Variants in NR3C2 observed in about 807,000 individuals in gnomAD.
NR3C2 encodes the protein mineralocorticoid receptor.
In NR3C2, 15 loss-of-function variants were observed where a neutral mutation model predicts 86.4. That is an observed-to-expected ratio of 0.17 (90% CI 0.12 to 0.27). NR3C2 has a LOEUF of 0.27. Among genes scored for constraint, NR3C2 ranks in the 10% least tolerant of loss-of-function variants. NR3C2 has a pLI of 1.00. For missense variants in NR3C2, 960 were observed against 1,195.6 expected (o/e 0.80, Z 2.91); for synonymous variants, 458 against 450.5 (o/e 1.02, Z -0.21).
At chr4:148,084,333 C>T (rs2149704537) in intron 8 of NR3C2, among the ~76,000 whole-genome samples, 1 of 152,320 alleles carries the variant, frequency 6.6e-6, no homozygotes, top group South Asian at 2.1e-4. Flanking sequence ...CTGCAGAAAC[C>T]CTACAAGCCA....
chr4:148,145,101 T>C (rs889530244), intron 6 of NR3C2, among the ~76,000 whole-genome samples: 7 of 152,084 alleles, frequency 4.6e-5, no homozygotes, highest in Non-Finnish European at 7.4e-5. Flanking sequence ...TCCTAATAGA[T>C]AGAAAAACCT....
chr4:148,419,414 C>G (rs1228727717), intron 2 of NR3C2, among the ~76,000 whole-genome samples: 1 of 152,108 alleles, frequency 6.6e-6, no homozygotes, highest in Non-Finnish European at 1.5e-5. Flanking sequence ...TCCTGGTGAG[C>G]AGGTATAAAT....
At chr4:148,328,955 T>A (rs1276630672) in intron 2 of NR3C2, among the ~76,000 whole-genome samples, 2 of 152,180 alleles carry the variant, frequency 1.3e-5, no homozygotes, top group East Asian at 3.9e-4. Context: ...TAAAACTACA[T>A]TATTTTCTCC....
intron 4 of NR3C2, among the ~76,000 whole-genome samples, chr4:148,182,846 T>G (rs889403639): frequency 2.7e-4 from 41 of 152,226 alleles, no homozygotes; most frequent in Non-Finnish European, 7.3e-5. Flanking sequence ...ATATTTTAAG[T>G]TCTAGGGTAC....
intron 2 of NR3C2, among the ~76,000 whole-genome samples, chr4:148,361,220 G>A (rs1026089023): frequency 1.3e-5 from 2 of 152,118 alleles, no homozygotes; most frequent in Admixed American, 1.3e-4. Flanking sequence ...TAAAAATAGA[G>A]AATCTCTAAA....
At chr4:148,190,941 T>G (rs1736167214) in intron 4 of NR3C2, among the ~76,000 whole-genome samples, 1 of 152,236 alleles carries the variant, frequency 6.6e-6, no homozygotes, top group Admixed American at 6.5e-5. Context: ...GTTCTGTATC[T>G]TTTAAGTGGA....
At chr4:148,427,814 G>A (rs1015181818) in intron 2 of NR3C2, among the ~76,000 whole-genome samples, 3 of 152,108 alleles carry the variant, frequency 2.0e-5, no homozygotes, top group African/African-American at 7.2e-5. Context: ...TAGGGACAAG[G>A]CAAAGGGACA....
chr4:148,334,921 C>T (rs2149973395), intron 2 of NR3C2, among the ~76,000 whole-genome samples: 1 of 152,282 alleles, frequency 6.6e-6, no homozygotes, highest in African/African-American at 2.4e-5. Context: ...CTTTAGCCTT[C>T]TGGGCTTCTG....
intron 3 of NR3C2, among the ~76,000 whole-genome samples, chr4:148,197,192 T>A (rs569731939): frequency 1.3e-5 from 2 of 152,332 alleles, no homozygotes; most frequent in African/African-American, 4.8e-5. Flanking sequence ...ACATTGAAGA[T>A]GCTCTTTGGA....
intron 8 of NR3C2, among the ~76,000 whole-genome samples, chr4:148,096,459 C>T (rs1164257611): frequency 6.6e-6 from 1 of 151,954 alleles, no homozygotes; most frequent in Non-Finnish European, 1.5e-5. Context: ...CTTCAATCTC[C>T]CCAAAAAAGG....
intron 2 of NR3C2, among the ~76,000 whole-genome samples, chr4:148,340,032 T>A (rs1313857570): frequency 3.3e-5 from 5 of 151,904 alleles, no homozygotes; most frequent in African/African-American, 1.2e-4. Context: ...TACAAAACAC[T>A]GACGAAAGAA....
chr4:148,086,655 T>G (rs752080003), intron 8 of NR3C2, among the ~76,000 whole-genome samples: 1 of 152,168 alleles, frequency 6.6e-6, no homozygotes, highest in South Asian at 2.1e-4. Flanking sequence ...GGCAGGAGAA[T>G]TGATAGAACC....
At chr4:148,136,056 CAAAAAAAAAAAA>C (rs199716496) in intron 6 of NR3C2, among the ~76,000 whole-genome samples, 1 of 71,182 alleles carries the variant, frequency 1.4e-5, no homozygotes, top group Non-Finnish European at 2.7e-5. Flanking sequence ...GACTCCGTCT[CAAAAAAAAAAAA>C]AAAAAAAACA....
At chr4:148,301,777 C>A (rs1742348800) in intron 2 of NR3C2, among the ~76,000 whole-genome samples, 1 of 152,148 alleles carries the variant, frequency 6.6e-6, no homozygotes, top group Non-Finnish European at 1.5e-5. Context: ...ATTTCAGTTT[C>A]AAAGTTGTCT....
intron 3 of NR3C2, among the ~76,000 whole-genome samples, chr4:148,241,485 C>T (rs13133177): frequency 1 from 124,294 of 124,294 alleles, 62,147 homozygotes; most frequent in Non-Finnish European, 1. Flanking sequence ...GGCATTCTAG[C>T]CTCCTTCCTG....
At chr4:148,130,442 A>C (rs1732966069) in intron 6 of NR3C2, among the ~76,000 whole-genome samples, 6 of 152,220 alleles carry the variant, frequency 3.9e-5, no homozygotes, top group Admixed American at 3.9e-4. Context: ...TATGTAAGAC[A>C]TCACTTTATT....
At chr4:148,319,362 T>A (rs1743419910) in intron 2 of NR3C2, among the ~76,000 whole-genome samples, 1 of 152,212 alleles carries the variant, frequency 6.6e-6, no homozygotes, top group African/African-American at 2.4e-5. Flanking sequence ...CGATGTGGGC[T>A]CTTTTCTGGT....
At chr4:148,252,523 A>G (rs113996372) in intron 3 of NR3C2, among the ~76,000 whole-genome samples, 1,929 of 152,340 alleles carry the variant, frequency 0.013, 48 homozygotes, top group African/African-American at 0.044. Flanking sequence ...TTCTATTAGT[A>G]CCAATGGGAG....
intron 6 of NR3C2, among the ~76,000 whole-genome samples, chr4:148,148,196 G>C (rs1238790166): frequency 6.6e-6 from 1 of 151,242 alleles, no homozygotes; most frequent in Non-Finnish European, 1.5e-5. Context: ...CCCAGTGAGG[G>C]GCACCAAATC....
Sources: allele counts gnomAD v4.1 joint callset (sites outside exome capture counted in the v4.1 genomes callset), GRCh38; gene constraint gnomAD v4.1.1; transcripts MANE v1.5; gene names NCBI Gene and HGNC (gene_info 2026-07-23, HGNC 2026-07-21).